Variants in CSMD1 observed in about 807,000 individuals in gnomAD.
The protein encoded by CSMD1 is CUB and Sushi multiple domains 1.
A neutral mutation model predicts 417.5 loss-of-function variants in CSMD1; 213 were observed. The observed-to-expected ratio is 0.51, with a 90% CI of 0.46 to 0.57. The LOEUF (loss-of-function observed/expected upper bound fraction) is 0.57, where lower values mean the gene tolerates loss of function less well. Ranked by LOEUF, CSMD1 falls within the 20% of genes least tolerant of loss-of-function variation. CSMD1 has a pLI of 0.00. For synonymous variants in CSMD1, 2,862 were observed against 1,736.8 expected (o/e 1.65, Z -16.11); for missense variants, 6,923 against 4,529.7 (o/e 1.53, Z -15.17).
intron 12 of CSMD1, among the ~76,000 whole-genome samples, chr8:3,444,878 T>A (rs1168389938): frequency 3.3e-5 from 5 of 152,202 alleles, no homozygotes; most frequent in Non-Finnish European, 7.3e-5. Flanking sequence ...TATCGATTTG[T>A]GGCATTTAGT....
chr8:4,728,958 G>C (rs549301746), intron 1 of CSMD1, among the ~76,000 whole-genome samples: 3 of 152,310 alleles, frequency 2.0e-5, no homozygotes, highest in South Asian at 2.1e-4. Context: ...TGTGGAGATA[G>C]AGATGGACAG....
intron 25 of CSMD1, among the ~76,000 whole-genome samples, chr8:3,287,144 C>G (rs1803221467): frequency 6.6e-6 from 1 of 150,652 alleles, no homozygotes; most frequent in Non-Finnish European, 1.5e-5. Context: ...AGATATGCAG[C>G]ATTATTTCTG....
chr8:3,850,430 C>T (rs1241079982), intron 5 of CSMD1, among the ~76,000 whole-genome samples: 1 of 152,204 alleles, frequency 6.6e-6, no homozygotes, highest in Non-Finnish European at 1.5e-5. Flanking sequence ...CATGGTGGCT[C>T]AGGCCTTTAA....
chr8:3,199,933 C>G (rs1224027062), intron 32 of CSMD1, 124 bp from the exon 33 acceptor site: 8 of 601,062 alleles, frequency 1.3e-5, no homozygotes, highest in Admixed American at 5.9e-5. Context: ...AACATTTTCA[C>G]TTTATGGTTT....
At chr8:3,421,232 A>T in intron 12 of CSMD1, among the ~76,000 whole-genome samples, 1 of 152,338 alleles carries the variant, frequency 6.6e-6, no homozygotes, top group South Asian at 2.1e-4. Flanking sequence ...TCATTAAAGT[A>T]TAAAAGGTGG....
intron 3 of CSMD1, among the ~76,000 whole-genome samples, chr8:4,323,655 C>G (rs967924544): frequency 6.6e-6 from 1 of 152,076 alleles, no homozygotes; most frequent in Non-Finnish European, 1.5e-5. Flanking sequence ...AAATAAGGGG[C>G]AGTGGACTCT....
At chr8:4,335,340 AG>A (rs1170544410) in intron 3 of CSMD1, among the ~76,000 whole-genome samples, 6 of 152,136 alleles carry the variant, frequency 3.9e-5, no homozygotes, top group Non-Finnish European at 8.8e-5. Flanking sequence ...TTGTGGGGAA[AG>A]GCACAAACAT....
chr8:4,108,684 G>A (rs542830870), intron 3 of CSMD1, among the ~76,000 whole-genome samples: 34 of 152,192 alleles, frequency 2.2e-4, no homozygotes, highest in African/African-American at 8.2e-4. Flanking sequence ...CCCCCTTTTA[G>A]AACAGTTAAG....
chr8:4,973,426 A>T (rs527582389), intron 1 of CSMD1, among the ~76,000 whole-genome samples: 22 of 152,288 alleles, frequency 1.4e-4, no homozygotes, highest in African/African-American at 4.8e-4. Flanking sequence ...TACTTTCCCC[A>T]GTATGGGTTT....
chr8:4,334,917 T>G (rs1183979146), intron 3 of CSMD1, among the ~76,000 whole-genome samples: 1 of 152,100 alleles, frequency 6.6e-6, no homozygotes, highest in Non-Finnish European at 1.5e-5. Flanking sequence ...ACCCACTTTC[T>G]ACCCCCACAG....
intron 2 of CSMD1, among the ~76,000 whole-genome samples, chr8:4,596,844 T>G (rs186713904): frequency 2.0e-5 from 3 of 152,200 alleles, no homozygotes; most frequent in Admixed American, 6.5e-5. Context: ...GGGGAGGTAA[T>G]TGAATCATGG....
Position 3,513,438 on chromosome 8 carries a change from G to A in CSMD1, c.1345-19712C>T, listed in dbSNP as rs114098101. Among the ~76,000 whole-genome samples the A allele has an allele frequency of 2.6e-3, 396 of 151,388 alleles. 2 individuals are homozygous for A. The highest frequency in any genetic ancestry group is 0.01 in the Middle Eastern group (3 of 292). ...GCCTCCCAGGATCAAGCATTCTCCC[G>A]ACTCAGCCTCCTGAATAGCTGGGAT... On this transcript the variant is annotated intron_variant, in intron 10 of 69. Coordinates refer to ENST00000635120, the MANE Select transcript of CSMD1 (RefSeq NM_033225.6).
At chr8:4,467,814 T>C (rs1018440970) in intron 2 of CSMD1, among the ~76,000 whole-genome samples, 2 of 152,158 alleles carry the variant, frequency 1.3e-5, no homozygotes, top group Non-Finnish European at 2.9e-5. Flanking sequence ...ACTAGTGAAA[T>C]AATTGGACAA....
chr8:3,822,537 C>G (rs747461945), intron 5 of CSMD1, among the ~76,000 whole-genome samples: 1 of 152,156 alleles, frequency 6.6e-6, no homozygotes, highest in African/African-American at 2.4e-5. Context: ...ATGTCTTCCC[C>G]GACAGGCAAT....
Position 4,145,852 on chromosome 8 carries a change from C to T in CSMD1, c.416-113753G>A, listed in dbSNP as rs113560193. ...CTTCCAGGAAGCAGAGCCGTTCACA[C>T]CAGCTTTGAATTTGTTGAGTTTTCA... is the stretch of plus-strand genomic sequence containing the variant. On this transcript the variant is annotated intron_variant, in intron 3 of 69. Transcript: ENST00000635120. Among the ~76,000 whole-genome samples, 18 of 151,158 alleles carry T rather than the reference C, an allele frequency of 1.2e-4. 2 individuals carry two copies. The highest frequency in any genetic ancestry group is 3.2e-4 in the African/African-American group (13 of 40,462).
chr8:4,420,740 A>C (rs1209284445), intron 2 of CSMD1, among the ~76,000 whole-genome samples: 1 of 152,116 alleles, frequency 6.6e-6, no homozygotes, highest in Non-Finnish European at 1.5e-5. Context: ...AGCCGTCTAG[A>C]GGGCAAACCA....
At chr8:3,679,199 G>T (rs1449916293) in intron 7 of CSMD1, among the ~76,000 whole-genome samples, 1 of 152,104 alleles carries the variant, frequency 6.6e-6, no homozygotes, top group African/African-American at 2.4e-5. Context: ...AACCTTAAAT[G>T]CAAATGGGCT....
chr8:3,493,005 G>C (rs1027720726), intron 11 of CSMD1, among the ~76,000 whole-genome samples: 6 of 152,112 alleles, frequency 3.9e-5, no homozygotes, highest in African/African-American at 1.4e-4. Context: ...TTAAAAAAGA[G>C]GTGTTGGCTG....
At chr8:4,542,427 C>T (rs1237994421) in intron 2 of CSMD1, among the ~76,000 whole-genome samples, 3 of 152,148 alleles carry the variant, frequency 2.0e-5, no homozygotes, top group Non-Finnish European at 4.4e-5. Context: ...TAGACACTGA[C>T]GTTTTATAGA....
Sources: gnomAD v4.1 joint callset for allele counts (sites outside exome capture counted in the v4.1 genomes callset) on GRCh38, gnomAD v4.1.1 for gene constraint, MANE v1.5 for transcripts, NCBI Gene and HGNC (gene_info 2026-07-23, HGNC 2026-07-21) for gene names.